Variants in TTC29 observed in about 807,000 individuals in gnomAD.
The protein encoded by TTC29 is tetratricopeptide repeat protein 29.
A neutral mutation model predicts 58.1 loss-of-function variants in TTC29; 49 were observed. The ratio of observed to expected loss-of-function variants is 0.84; its 90% confidence interval spans 0.67 to 1.07. TTC29 has a LOEUF of 1.07. Ranked by LOEUF, TTC29 falls within the 50% of genes least tolerant of loss-of-function variation. The pLI, the probability that TTC29 is intolerant of heterozygous loss-of-function variation, is 0.00. For missense variants in TTC29, 582 were observed against 555.6 expected, an observed-to-expected ratio of 1.05 and a Z score of -0.48; for synonymous variants, 209 against 196.8, an observed-to-expected ratio of 1.06 and a Z score of -0.52.
chr4:146,846,063 T>C (rs1484614344), intron 8 of TTC29, among the ~76,000 whole-genome samples: 2 of 152,098 alleles, frequency 1.3e-5, no homozygotes, highest in Admixed American at 6.6e-5. Context: ...AACATTAACA[T>C]GGCTATAACA....
chr4:146,913,435 A>G (rs1320609054), intron 4 of TTC29, among the ~76,000 whole-genome samples: 1 of 151,944 alleles, frequency 6.6e-6, no homozygotes, highest in Non-Finnish European at 1.5e-5. Flanking sequence ...CACAGGAGGC[A>G]CATTCTAAAA....
At chr4:146,922,350 A>G (rs1172160607) in intron 4 of TTC29, among the ~76,000 whole-genome samples, 1 of 151,684 alleles carries the variant, frequency 6.6e-6, no homozygotes, top group Non-Finnish European at 1.5e-5. Flanking sequence ...AAATGATAAA[A>G]GAGAGACCAA....
At chr4:146,854,722 G>A (rs570310309) in intron 8 of TTC29, among the ~76,000 whole-genome samples, 2 of 152,228 alleles carry the variant, frequency 1.3e-5, no homozygotes, top group South Asian at 4.1e-4. Flanking sequence ...GGCCACACCA[G>A]CTTACCCTCC....
At chr4:146,899,400 C>A (rs1364646660) in intron 6 of TTC29, among the ~76,000 whole-genome samples, 1 of 152,162 alleles carries the variant, frequency 6.6e-6, no homozygotes, top group African/African-American at 2.4e-5. Context: ...GTCCGTTTGT[C>A]CTGTTTGCAT....
intron 11 of TTC29, among the ~76,000 whole-genome samples, chr4:146,775,169 C>T (rs1386430809): frequency 6.6e-6 from 1 of 152,134 alleles, no homozygotes. Flanking sequence ...CTCTTAAAGA[C>T]AACCTACCAT....
At chr4:146,770,216 G>A (rs1357154606) in intron 11 of TTC29, among the ~76,000 whole-genome samples, 3 of 151,866 alleles carry the variant, frequency 2.0e-5, no homozygotes, top group African/African-American at 7.3e-5. Flanking sequence ...AAAACTAACA[G>A]TGGAGTCTGA....
intron 9 of TTC29, among the ~76,000 whole-genome samples, chr4:146,821,789 G>A (rs748953683): frequency 1.1e-4 from 17 of 152,058 alleles, no homozygotes; most frequent in South Asian, 8.3e-4. Context: ...GAAACTTTGG[G>A]AGCCTAGCAA....
intron 7 of TTC29, among the ~76,000 whole-genome samples, chr4:146,873,962 T>C (rs1204612368): frequency 6.6e-6 from 1 of 152,190 alleles, no homozygotes; most frequent in Non-Finnish European, 1.5e-5. Context: ...AAGGCTACTC[T>C]AGTAATAATT....
At chr4:146,737,501 GAGAT>G (rs1280350222) in intron 11 of TTC29, among the ~76,000 whole-genome samples, 6 of 149,248 alleles carry the variant, frequency 4.0e-5, no homozygotes, top group Non-Finnish European at 1.5e-5. Flanking sequence ...CCCAGCGAGA[GAGAT>G]AGAGACTGCT....
At chr4:146,728,826 C>A (rs1266304845) in intron 11 of TTC29, among the ~76,000 whole-genome samples, 1 of 91,772 alleles carries the variant, frequency 1.1e-5, no homozygotes, top group Admixed American at 1.2e-4. Context: ...TGTATATATA[C>A]ATATATATAC....
At chr4:146,916,143 T>C (rs1734205502) in intron 4 of TTC29, among the ~76,000 whole-genome samples, 1 of 151,828 alleles carries the variant, frequency 6.6e-6, no homozygotes, top group African/African-American at 2.4e-5. Flanking sequence ...ATCACTATTC[T>C]TACCTATCTT....
At chr4:146,728,864 T>TATACAC (rs1744104532) in intron 11 of TTC29, among the ~76,000 whole-genome samples, 2 of 47,268 alleles carry the variant, frequency 4.2e-5, no homozygotes, top group Non-Finnish European at 1.1e-4. Context: ...TATACACATA[T>TATACAC]ATATGTGTGT....
Position 146,820,116 on chromosome 4 carries a change from T to C in TTC29, c.1101+9A>G. 1 of 1,612,214 alleles carries C rather than the reference T, an allele frequency of 6.2e-7. No homozygotes were observed. Among genetic ancestry groups the C allele is most frequent in the Non-Finnish European group, 8.5e-7 (1 of 1,179,710 alleles). ...AATTTCTCTATAAACAAGAAACACA[T>C]AGACTCACTTTTTCATTGTAGATGT... is the stretch of plus-strand genomic sequence containing the variant. On this transcript the variant is annotated intron_variant, in intron 10 of 12. Coordinates refer to ENST00000325106, the MANE Select transcript of TTC29 (RefSeq NM_031956.4).
chr4:146,823,303 G>A (rs545484522), intron 9 of TTC29, among the ~76,000 whole-genome samples: 70 of 152,300 alleles, frequency 4.6e-4, no homozygotes, highest in African/African-American at 1.6e-3. Flanking sequence ...AAGGGGTCAA[G>A]TTTCAGTTTT....
intron 11 of TTC29, among the ~76,000 whole-genome samples, chr4:146,726,621 T>C (rs1363105972): frequency 6.6e-6 from 1 of 152,208 alleles, no homozygotes; most frequent in Non-Finnish European, 1.5e-5. Context: ...AGATGGTATA[T>C]AGACAGCATA....
intron 11 of TTC29, among the ~76,000 whole-genome samples, chr4:146,773,674 T>C (rs983004789): frequency 6.6e-6 from 1 of 152,144 alleles, no homozygotes; most frequent in African/African-American, 2.4e-5. Flanking sequence ...TTTATGTTCT[T>C]CAAGGATATT....
At chr4:146,707,283 G>A in intron 12 of TTC29, 95 bp from the exon 13 acceptor site, 1 of 926,812 alleles carries the variant, frequency 1.1e-6, no homozygotes, top group Non-Finnish European at 1.6e-6. Flanking sequence ...GTAATTTTCA[G>A]ATGTGGCTTC....
At chr4:146,929,760 AG>A (rs1312243572) in intron 4 of TTC29, among the ~76,000 whole-genome samples, 3 of 152,092 alleles carry the variant, frequency 2.0e-5, no homozygotes, top group Non-Finnish European at 4.4e-5. Flanking sequence ...GTGGATTGCA[AG>A]GAAGAAGAGG....
chr4:146,804,333 C>A (rs1016091766), intron 10 of TTC29, among the ~76,000 whole-genome samples: 4 of 152,104 alleles, frequency 2.6e-5, no homozygotes, highest in Non-Finnish European at 4.4e-5. Flanking sequence ...GAGCTAGCTG[C>A]AGGAGTTTTT....
Sources: gnomAD v4.1 joint callset for allele counts (sites outside exome capture counted in the v4.1 genomes callset) on GRCh38, gnomAD v4.1.1 for gene constraint, MANE v1.5 for transcripts, NCBI Gene and HGNC (gene_info 2026-07-23, HGNC 2026-07-21) for gene names.